CLSTN1: variants seen among roughly 807,000 people sequenced by gnomAD.
CLSTN1 encodes calsyntenin 1.
In CLSTN1, 28 loss-of-function variants were observed where a neutral mutation model predicts 108.3. The ratio of observed to expected loss-of-function variants is 0.26; its 90% CI spans 0.19 to 0.35. CLSTN1 has a LOEUF of 0.35. Ranked by LOEUF, CLSTN1 falls within the 10% of genes least tolerant of loss-of-function variation. The pLI, the probability that CLSTN1 is intolerant of heterozygous loss-of-function variation, is 1.00. For missense variants in CLSTN1, 1,157 were observed against 1,302.6 expected, an observed-to-expected ratio of 0.89 and a Z score of 1.72; for synonymous variants, 524 against 534.9, an observed-to-expected ratio of 0.98 and a Z score of 0.28.
intron 1 of CLSTN1, among the ~76,000 whole-genome samples, chr1:9,796,270 AAAAAAAAC>A (rs1470737204): frequency 1.4e-5 from 2 of 141,568 alleles, no homozygotes; most frequent in African/African-American, 5.8e-5. Context: ...CAAAAACAAA[AAAAAAAAC>A]AAAAAACAAA....
intron 1 of CLSTN1, among the ~76,000 whole-genome samples, chr1:9,816,944 G>A (rs1027902765): frequency 6.6e-6 from 1 of 152,224 alleles, no homozygotes; most frequent in Admixed American, 6.5e-5. Context: ...ACCGCACCCA[G>A]CCGGTGGTCC....
At chr1:9,744,335 G>T in intron 8 of CLSTN1, 60 bp downstream of exon 8, 1 of 1,542,502 alleles carries the variant, frequency 6.5e-7, no homozygotes. Context: ...GGAGCCTGCC[G>T]CTGGCACCCA....
chr1:9,777,530 AACG>A (rs1157975356), intron 1 of CLSTN1, among the ~76,000 whole-genome samples: 1 of 150,938 alleles, frequency 6.6e-6, no homozygotes, highest in Non-Finnish European at 1.5e-5. Context: ...CTCAAAAAAC[AACG>A]ACGACAACAA....
chr1:9,766,898 C>G (rs1652363952), intron 2 of CLSTN1, among the ~76,000 whole-genome samples: 1 of 152,220 alleles, frequency 6.6e-6, no homozygotes, highest in Non-Finnish European at 1.5e-5. Context: ...GCTTCAATGA[C>G]TAAGCTCCCA....
intron 1 of CLSTN1, among the ~76,000 whole-genome samples, chr1:9,796,266 C>CAAAAAA (rs70998312): frequency 7.9e-6 from 1 of 125,836 alleles, no homozygotes. Context: ...TCTCCAAAAA[C>CAAAAAA]AAAAAAAAAA....
At position 9,733,450 on chromosome 1, in the gene CLSTN1, A is replaced by T; in HGVS notation, c.2378T>A (p.Ile793Asn). The change falls in exon 16 of 19, where the codon ATC becomes AAC. Residue 793 changes from isoleucine to asparagine, a missense_variant. Ile to Asn is a moderately radical substitution (Grantham distance 149). Transcript: ENST00000377298. ...GTAGCGGCCATTCAGCTCTGAGCAG[A>T]TGAGCTTAAACTTCCGGTCAAGCAA... ...RSLLDRKFKLICSELNGRYIS... is the reference protein window; with the variant it reads ...RSLLDRKFKLNCSELNGRYIS... 6.2e-7 allele frequency: 1 copy of T among 1,614,204 alleles called. No individual in the cohort carries two copies. Among genetic ancestry groups the T allele is most frequent in the Non-Finnish European group, 8.5e-7 (1 of 1,180,038 alleles).
intron 4 of CLSTN1, among the ~76,000 whole-genome samples, chr1:9,752,138 G>C (rs1651587836): frequency 6.6e-6 from 1 of 152,166 alleles, no homozygotes; most frequent in Non-Finnish European, 1.5e-5. Flanking sequence ...GAAATGGTTT[G>C]ATTCTGAGAG....
At chr1:9,785,618 G>C (rs1653451479) in intron 1 of CLSTN1, among the ~76,000 whole-genome samples, 1 of 151,926 alleles carries the variant, frequency 6.6e-6, no homozygotes, top group Non-Finnish European at 1.5e-5. Flanking sequence ...GTGCCAACCA[G>C]AAGTGTCTCC....
chr1:9,788,242 T>A (rs191627945), intron 1 of CLSTN1, among the ~76,000 whole-genome samples: 1 of 150,888 alleles, frequency 6.6e-6, no homozygotes. Context: ...CATGACAGAG[T>A]GAGACCCTGT....
chr1:9,757,214 A>G (rs1334239153), intron 2 of CLSTN1, among the ~76,000 whole-genome samples: 1 of 151,430 alleles, frequency 6.6e-6, no homozygotes, highest in African/African-American at 2.4e-5. Context: ...TCATCAGTAG[A>G]TTTAATGAAA....
intron 1 of CLSTN1, among the ~76,000 whole-genome samples, chr1:9,793,450 G>A (rs1229000004): frequency 6.6e-6 from 1 of 151,530 alleles, no homozygotes; most frequent in African/African-American, 2.4e-5. Context: ...AACTGCACCC[G>A]CTGGGCCCCC....
At chr1:9,746,564 A>T (rs1429809487) in intron 7 of CLSTN1, among the ~76,000 whole-genome samples, 1 of 152,220 alleles carries the variant, frequency 6.6e-6, no homozygotes, top group Non-Finnish European at 1.5e-5. Flanking sequence ...AAATACAAAA[A>T]TGAGCCAGGC....
In CLSTN1 at chr1:9,823,480, C is replaced by T. The variant is rs1158946744; in HGVS notation, c.91+163G>A. ...CCAACCCGAACCCCACGCCCTGACCCGGCTCCCTGCGCTCGGACCCGACTC... is the reference window on the plus strand; with the variant it reads ...CCAACCCGAACCCCACGCCCTGACCTGGCTCCCTGCGCTCGGACCCGACTC... On this transcript the variant is annotated intron_variant, in intron 1 of 18. Coordinates refer to ENST00000377298, the MANE Select transcript of CLSTN1 (RefSeq NM_001009566.3). This position sits in a 1 kb window ranked among gnomAD's most constrained non-coding sequence, Gnocchi z 6.3. Among the ~76,000 whole-genome samples, 1 of 152,084 alleles carries T rather than the reference C, an allele frequency of 6.6e-6. No homozygotes were observed. The highest frequency in any genetic ancestry group is 1.5e-5 in the Non-Finnish European group (1 of 67,980).
chr1:9,802,063 C>T (rs1654295382), intron 1 of CLSTN1, among the ~76,000 whole-genome samples: 1 of 152,154 alleles, frequency 6.6e-6, no homozygotes, highest in Admixed American at 6.6e-5. Context: ...TCATCATCCC[C>T]ATTTTACAGA....
At chr1:9,757,872 C>A (rs995121634) in intron 2 of CLSTN1, among the ~76,000 whole-genome samples, 1 of 152,200 alleles carries the variant, frequency 6.6e-6, no homozygotes, top group African/African-American at 2.4e-5. Flanking sequence ...CCAAAGGTAA[C>A]ACGACCTGAA....
chr1:9,737,205 G>T (rs1650739213), intron 11 of CLSTN1, among the ~76,000 whole-genome samples: 2 of 151,932 alleles, frequency 1.3e-5, no homozygotes, highest in African/African-American at 4.9e-5. Context: ...AACCCTGCCT[G>T]TAAGACTGAA....
In CLSTN1 at chr1:9,739,606, G is replaced by A. The variant is rs183669008; in HGVS notation, c.1519+1488C>T. On this transcript the variant is annotated intron_variant, in intron 10 of 18. Transcript: ENST00000377298. The stretch of plus-strand genomic sequence containing the variant: ...TGCCTGTAATCCCAGTACTTTAGGA[G>A]GCTGAGGTGGGAGGATCTCTTGAGC... Among the ~76,000 whole-genome samples the A allele has an allele frequency of 4.8e-3, 732 of 152,234 alleles. 3 individuals are homozygous for A. Among genetic ancestry groups the A allele is most frequent in the African/African-American group, 0.016 (658 of 41,552 alleles).
Position 9,805,693 on chromosome 1 carries a change from C to T in CLSTN1, c.91+17950G>A, listed in dbSNP as rs536081998. 5.9e-5 allele frequency among the ~76,000 whole-genome samples: 9 copies of T among 151,468 alleles called. No individual in the cohort carries two copies. In the South Asian group the frequency reaches 1.3e-3, roughly 21 times the overall value. On this transcript the variant is annotated intron_variant, in intron 1 of 18. Transcript: ENST00000377298. ...ATCGGCCTGGCCAACATGGTGAAAC[C>T]CCATCTCTACTAAAAATACAAAAAT...
chr1:9,795,766 G>A (rs1476301312), intron 1 of CLSTN1, among the ~76,000 whole-genome samples: 1 of 150,324 alleles, frequency 6.7e-6, no homozygotes. Flanking sequence ...ACCAGCCTGG[G>A]CAACATGGTG....
Sources: allele counts gnomAD v4.1 joint callset (sites outside exome capture counted in the v4.1 genomes callset), GRCh38; gene constraint gnomAD v4.1.1; non-coding constraint Gnocchi (gnomAD v3.1); transcripts MANE v1.5; gene names NCBI Gene and HGNC (gene_info 2026-07-23, HGNC 2026-07-21).